Variants in RBM33 observed in about 807,000 individuals in gnomAD.
The protein encoded by RBM33 is RNA-binding protein 33.
In RBM33, 28 loss-of-function variants were observed where a neutral mutation model predicts 132.6. That is an observed-to-expected ratio of 0.21 (90% confidence interval 0.16 to 0.29). RBM33 has a LOEUF of 0.29. Ranked by LOEUF, RBM33 falls within the 10% of genes least tolerant of loss-of-function variation. RBM33 has a pLI of 1.00. For missense variants in RBM33, 1,291 were observed against 1,518.5 expected (o/e 0.85, Z 2.49); for synonymous variants, 634 against 593.0 (o/e 1.07, Z -1.01).
chr7:155,653,142 A>T (rs1798401287), intron 1 of RBM33, among the ~76,000 whole-genome samples: 1 of 152,210 alleles, frequency 6.6e-6, no homozygotes, highest in African/African-American at 2.4e-5. Flanking sequence ...TGGTTATTGT[A>T]AATAATACTA....
intron 2 of RBM33, among the ~76,000 whole-genome samples, chr7:155,669,682 C>T (rs552826516): frequency 4.6e-4 from 70 of 152,206 alleles, no homozygotes; most frequent in African/African-American, 1.5e-3. Flanking sequence ...AATTTAATGA[C>T]GGGTCTATTT....
At chr7:155,712,451 A>C (rs1360568395) in intron 8 of RBM33, among the ~76,000 whole-genome samples, 1 of 152,240 alleles carries the variant, frequency 6.6e-6, no homozygotes, top group African/African-American at 2.4e-5. Flanking sequence ...ACTTTCTATC[A>C]GACAGTCTTA....
chr7:155,704,578 G>A (rs1049086872), intron 6 of RBM33, among the ~76,000 whole-genome samples: 7 of 152,282 alleles, frequency 4.6e-5, no homozygotes, highest in Middle Eastern at 3.4e-3. Context: ...CTCTCTTTTC[G>A]TCTAGGAGGT....
intron 3 of RBM33, among the ~76,000 whole-genome samples, chr7:155,673,669 TAC>T (rs1159150403): frequency 5.7e-5 from 7 of 122,530 alleles, no homozygotes; most frequent in Admixed American, 4.0e-4. Context: ...CACATATACA[TAC>T]ACACGTGTAT....
At chr7:155,646,853 G>A (rs890880773) in intron 1 of RBM33, among the ~76,000 whole-genome samples, 12 of 152,280 alleles carry the variant, frequency 7.9e-5, no homozygotes, top group African/African-American at 2.4e-4. Flanking sequence ...TTTACCATGC[G>A]TTCCACGTGT....
At chr7:155,694,867 A>G (rs1799748988) in intron 5 of RBM33, among the ~76,000 whole-genome samples, 1 of 152,162 alleles carries the variant, frequency 6.6e-6, no homozygotes, top group African/African-American at 2.4e-5. Context: ...AAAGGATCAT[A>G]TTACCCATCT....
intron 5 of RBM33, among the ~76,000 whole-genome samples, chr7:155,698,134 C>T (rs944922154): frequency 2.0e-5 from 3 of 151,994 alleles, no homozygotes; most frequent in Non-Finnish European, 4.4e-5. Flanking sequence ...TCTGGGAGGC[C>T]GAGGTCGGTA....
chr7:155,752,060 A>G (rs1563176208), intron 14 of RBM33, among the ~76,000 whole-genome samples: 1 of 152,250 alleles, frequency 6.6e-6, no homozygotes, highest in Non-Finnish European at 1.5e-5. Context: ...GAATTGTACC[A>G]GATTGACCAG....
At chr7:155,668,465 G>A (rs1167248011) in intron 2 of RBM33, among the ~76,000 whole-genome samples, 2 of 152,176 alleles carry the variant, frequency 1.3e-5, no homozygotes, top group Non-Finnish European at 2.9e-5. Context: ...GTTAATAGAA[G>A]TGGATGGGAT....
intron 8 of RBM33, among the ~76,000 whole-genome samples, chr7:155,714,274 A>G (rs1306645294): frequency 6.6e-6 from 1 of 152,186 alleles, no homozygotes; most frequent in East Asian, 1.9e-4. Context: ...GCTGATAACG[A>G]TGGGCTGTGG....
chr7:155,659,501 G>C (rs563467927), intron 1 of RBM33, among the ~76,000 whole-genome samples: 1 of 152,068 alleles, frequency 6.6e-6, no homozygotes, highest in African/African-American at 2.4e-5. Flanking sequence ...GCAAGCAGAA[G>C]AATCAGCAAA....
rs1205128117 is a variant in RBM33, at chr7:155,695,324, A to ATG, written c.568-5447_568-5446dup. ...TACATGTATCATCTCTATGGAGAAT[A>ATG]TGTATGCATACATACTGCATATATT... On this transcript the variant is annotated intron_variant, in intron 5 of 17. Coordinates refer to ENST00000401878, the MANE Select transcript of RBM33 (RefSeq NM_053043.3). 2.6e-5 allele frequency among the ~76,000 whole-genome samples: 4 copies of ATG among 152,322 alleles called. No homozygotes were observed. The South Asian group carries it at 6.2e-4, about 24-fold the overall frequency.
At chr7:155,686,305 A>C (rs775749906) in intron 5 of RBM33, among the ~76,000 whole-genome samples, 15 of 152,142 alleles carry the variant, frequency 9.9e-5, no homozygotes, top group African/African-American at 1.2e-4. Flanking sequence ...TTAAACCTGA[A>C]AAGGGGTAAT....
rs1397535112 is a variant in RBM33, at chr7:155,742,087, A to G, written c.2318A>G (p.Glu773Gly). 2 of 1,613,060 alleles carry G rather than the reference A, an allele frequency of 1.2e-6. No homozygotes were observed. Among genetic ancestry groups the G allele is most frequent in the South Asian group, 1.1e-5 (1 of 91,062 alleles). The change falls in exon 13 of 18, where the codon GAG (glutamate) becomes GGG (glycine). Residue 773 changes from glutamate to glycine, a missense_variant. Physicochemically the swap from Glu to Gly is moderately conservative, Grantham distance 98. Transcript: ENST00000401878. Reference protein sequence around the residue: ...PASPVAQPKEEAKTETEFPDE... With the variant: ...PASPVAQPKEGAKTETEFPDE... ...AGCCCTGTGGCTCAACCTAAAGAAGAGGCAAAAACAGAAACAGAGGTAGGA... is the reference window on the plus strand; with the variant it reads ...AGCCCTGTGGCTCAACCTAAAGAAGGGGCAAAAACAGAAACAGAGGTAGGA...
intron 8 of RBM33, among the ~76,000 whole-genome samples, chr7:155,713,263 G>T (rs1031569864): frequency 7.2e-5 from 11 of 152,120 alleles, no homozygotes; most frequent in Non-Finnish European, 1.6e-4. Context: ...AGTTGGATGA[G>T]AATTCAGTAT....
chr7:155,718,415 G>C lies in RBM33; in HGVS notation c.1232G>C (p.Arg411Thr). 6.2e-7 allele frequency: 1 copy of C among 1,613,832 alleles called. No individual in the cohort carries two copies. The highest frequency in any genetic ancestry group is 8.5e-7 in the Non-Finnish European group (1 of 1,179,868). ...TTGCTACCAGTTCCGAGCCAGCCGAGACCTGCCGTGGGACCCCAGAGATTC... is the reference window on the plus strand; with the variant it reads ...TTGCTACCAGTTCCGAGCCAGCCGACACCTGCCGTGGGACCCCAGAGATTC... The part of the protein sequence containing the change: ...VPLLPVPSQP[R>T]PAVGPQRFPG... Residue 411 changes from arginine (R) to threonine (T), a missense_variant, in exon 9 of 18, where the codon AGA (arginine) becomes ACA (threonine). By Grantham distance (71) the Arg-to-Thr change is moderately conservative (BLOSUM62 -1). Around this residue, in one of 7 missense-constraint regions of RBM33, gnomAD observed 841 missense variants for 912.0 expected, o/e 0.92. Coordinates refer to ENST00000401878, the MANE Select transcript of RBM33 (RefSeq NM_053043.3).
intron 2 of RBM33, among the ~76,000 whole-genome samples, chr7:155,667,214 A>G (rs1798823144): frequency 6.6e-6 from 1 of 152,218 alleles, no homozygotes; most frequent in Non-Finnish European, 1.5e-5. Context: ...TAATTTTTAA[A>G]GTCAGGAAGT....
chr7:155,769,148 G>T (rs1045711697), intron 16 of RBM33, among the ~76,000 whole-genome samples: 1 of 152,112 alleles, frequency 6.6e-6, no homozygotes, highest in Non-Finnish European at 1.5e-5. Context: ...AAAAAGTTTC[G>T]AACTGTAACC....
At chr7:155,712,595 G>A (rs1198087904) in intron 8 of RBM33, among the ~76,000 whole-genome samples, 1 of 152,214 alleles carries the variant, frequency 6.6e-6, no homozygotes, top group Non-Finnish European at 1.5e-5. Context: ...GAACTTCACT[G>A]AGCAGGAAAG....
Sources: gnomAD v4.1 joint callset for allele counts (sites outside exome capture counted in the v4.1 genomes callset) on GRCh38, gnomAD v4.1.1 for gene constraint, gnomAD v4.1.1 regional missense constraint, MANE v1.5 for transcripts, NCBI Gene and HGNC (gene_info 2026-07-23, HGNC 2026-07-21) for gene names.